REC114: variants seen among roughly 807,000 people sequenced by gnomAD.
REC114 encodes the protein REC114 meiotic recombination protein.
REC114 carries 27 observed loss-of-function variants against 31.3 expected under a neutral mutation model. The ratio of observed to expected loss-of-function variants is 0.86; its 90% CI spans 0.64 to 1.19. The LOEUF (loss-of-function observed/expected upper bound fraction) is 1.19, where lower values mean the gene tolerates loss of function less well. REC114 is among the 50% of genes most tolerant of loss of function. The pLI is 0.00. For synonymous variants in REC114, 134 were observed against 127.7 expected (o/e 1.05, Z -0.33); for missense variants, 344 against 326.9 (o/e 1.05, Z -0.40).
chr15:73,540,582 T>C lies in REC114; in HGVS notation c.333+14T>C. 6.2e-7 allele frequency: 1 copy of C among 1,601,616 alleles called. No homozygotes were observed. The highest frequency in any genetic ancestry group is 2.2e-5 in the East Asian group (1 of 44,794). On this transcript the variant is annotated intron_variant, in intron 3 of 5. Transcript: ENST00000331090. The stretch of plus-strand genomic sequence containing the variant: ...ACAACGATAAAGGCAAGATTTAAGC[T>C]AATGATCACACTCTTCTCATCTTCT...
intron 2 of REC114, among the ~76,000 whole-genome samples, chr15:73,476,376 T>G (rs1595864937): frequency 6.6e-6 from 1 of 152,154 alleles, no homozygotes. Context: ...CCAATTTCCT[T>G]GTGGCTCTTT....
intron 4 of REC114, among the ~76,000 whole-genome samples, chr15:73,555,766 C>G (rs1413427985): frequency 1.3e-5 from 2 of 152,172 alleles, no homozygotes; most frequent in Non-Finnish European, 2.9e-5. Flanking sequence ...AGAACTGATT[C>G]TTTCAGAATA....
chr15:73,497,807 G>T (rs1299592576), intron 2 of REC114, among the ~76,000 whole-genome samples: 1 of 152,164 alleles, frequency 6.6e-6, no homozygotes, highest in Admixed American at 6.5e-5. Flanking sequence ...GCCCAAGAAT[G>T]AAAGTGGAGA....
Position 73,544,942 on chromosome 15 carries a change from G to A in REC114, c.333+4374G>A, listed in dbSNP as rs1894288526. Among the ~76,000 whole-genome samples, 5 of 152,210 alleles carry A rather than the reference G, an allele frequency of 3.3e-5. No individual in the cohort carries two copies. The South Asian group carries it at 1.0e-3, about 32-fold the overall frequency. ...TTTATGAGGCCTCTAGTGTCTCCTT[G>A]GCTCTCTATGTCATGTTAACTGGGC... On this transcript the variant is annotated intron_variant, in intron 3 of 5. Transcript: ENST00000331090.
intron 2 of REC114, among the ~76,000 whole-genome samples, chr15:73,536,582 A>T (rs573268325): frequency 6.6e-6 from 1 of 152,306 alleles, no homozygotes; most frequent in Middle Eastern, 3.4e-3. Context: ...GTTGAGCCAA[A>T]CTGAATTCTC....
chr15:73,485,583 C>T lies in REC114; in HGVS notation c.249+11662C>T, dbSNP rs561974488. Among the ~76,000 whole-genome samples the T allele has an allele frequency of 4.6e-5, 7 of 152,254 alleles. No homozygotes were observed. The South Asian group carries it at 8.3e-4, about 18-fold the overall frequency. Reference sequence around the variant, plus strand: ...GTCCTTGAGATATTGAGTGAGTTCTCGTGAGATCTGGTTACATAAAGTGTG... The same window carrying T: ...GTCCTTGAGATATTGAGTGAGTTCTTGTGAGATCTGGTTACATAAAGTGTG... On this transcript the variant is annotated intron_variant, in intron 2 of 5. Coordinates refer to ENST00000331090, the MANE Select transcript of REC114 (RefSeq NM_001042367.2).
At chr15:73,549,656 T>G (rs1566949798) in intron 3 of REC114, among the ~76,000 whole-genome samples, 1 of 152,226 alleles carries the variant, frequency 6.6e-6, no homozygotes, top group Non-Finnish European at 1.5e-5. Flanking sequence ...TTTGTATATA[T>G]TCTTTTATAC....
At position 73,444,370 on chromosome 15, in the gene REC114, A is replaced by T. The variant is rs144624976; in HGVS notation, c.159+1026A>T. On this transcript the variant is annotated intron_variant, in intron 1 of 5. Coordinates refer to ENST00000331090, the MANE Select transcript of REC114 (RefSeq NM_001042367.2). ...TCTCACATTTTGCTGCTGCTTTATC[A>T]ACTAAGTTTATGTGATATTCTAAAT... Among the ~76,000 whole-genome samples the T allele has an allele frequency of 8.3e-4, 126 of 152,346 alleles. 1 individual carries two copies. The East Asian group carries it at 0.018, about 21-fold the overall frequency.
intron 1 of REC114, among the ~76,000 whole-genome samples, chr15:73,457,280 G>T (rs1038580896): frequency 6.6e-6 from 1 of 151,870 alleles, no homozygotes; most frequent in African/African-American, 2.4e-5. Flanking sequence ...TGAGCTCTGG[G>T]GATTATTCCC....
chr15:73,542,531 A>G (rs1356303294), intron 3 of REC114, among the ~76,000 whole-genome samples: 1 of 151,902 alleles, frequency 6.6e-6, no homozygotes, highest in Non-Finnish European at 1.5e-5. Flanking sequence ...TTTATAAGGA[A>G]AGCATCCACT....
intron 1 of REC114, among the ~76,000 whole-genome samples, chr15:73,464,416 C>T (rs545122381): frequency 6.6e-6 from 1 of 151,984 alleles, no homozygotes; most frequent in African/African-American, 2.4e-5. Flanking sequence ...AGCTTGTTCC[C>T]CCGGGAGCCT....
chr15:73,550,664 T>G (rs1360203763), intron 3 of REC114, among the ~76,000 whole-genome samples: 1 of 152,192 alleles, frequency 6.6e-6, no homozygotes. Context: ...CTGCAATCAG[T>G]ATAGTGATCT....
In REC114 at chr15:73,500,958, T is replaced by C. The variant is rs1336928081; in HGVS notation, c.249+27037T>C. Reference sequence around the variant, plus strand: ...TGTGTCAGGTGTCCCCATGGTCTTATGTATTTAGGGAGGAGTCATCTGGCT... The same window carrying C: ...TGTGTCAGGTGTCCCCATGGTCTTACGTATTTAGGGAGGAGTCATCTGGCT... On this transcript the variant is annotated intron_variant, in intron 2 of 5. Transcript: ENST00000331090. 2.0e-5 allele frequency among the ~76,000 whole-genome samples: 3 copies of C among 152,114 alleles called. No individual in the cohort carries two copies. The East Asian group carries it at 5.8e-4, about 29-fold the overall frequency.
chr15:73,523,633 T>C (rs1229979941), intron 2 of REC114, among the ~76,000 whole-genome samples: 1 of 152,226 alleles, frequency 6.6e-6, no homozygotes, highest in East Asian at 1.9e-4. Context: ...TGAATACTTT[T>C]TCTTAATCTG....
At chr15:73,455,992 T>C (rs1365541588) in intron 1 of REC114, among the ~76,000 whole-genome samples, 1 of 152,128 alleles carries the variant, frequency 6.6e-6, no homozygotes, top group African/African-American at 2.4e-5. Context: ...TATAGTAAAA[T>C]TGATAAAATG....
chr15:73,462,220 G>A (rs903777247), intron 1 of REC114, among the ~76,000 whole-genome samples: 1 of 151,932 alleles, frequency 6.6e-6, no homozygotes, highest in Admixed American at 6.6e-5. Context: ...GTGAGCCATC[G>A]TGCCCAGCCA....
intron 2 of REC114, among the ~76,000 whole-genome samples, chr15:73,531,148 C>T (rs1894075968): frequency 6.6e-6 from 1 of 152,190 alleles, no homozygotes; most frequent in Non-Finnish European, 1.5e-5. Flanking sequence ...ATGATATTCT[C>T]CTGGCTTCCT....
intron 4 of REC114, among the ~76,000 whole-genome samples, chr15:73,554,868 T>C (rs1393446141): frequency 1.3e-5 from 2 of 152,190 alleles, no homozygotes; most frequent in African/African-American, 4.8e-5. Context: ...GCTGAAATGA[T>C]AGGTATTCTA....
chr15:73,509,452 C>T (rs1893731817), intron 2 of REC114, among the ~76,000 whole-genome samples: 1 of 150,702 alleles, frequency 6.6e-6, no homozygotes, highest in Non-Finnish European at 1.5e-5. Context: ...TTAATTAGAT[C>T]CCATTTGTCA....
Sources: allele counts gnomAD v4.1 joint callset (sites outside exome capture counted in the v4.1 genomes callset), GRCh38; gene constraint gnomAD v4.1.1; transcripts MANE v1.5; gene names NCBI Gene and HGNC (gene_info 2026-07-23, HGNC 2026-07-21).